Variants in EP400 observed in about 807,000 individuals in gnomAD.
EP400 encodes E1A binding protein p400, also known as E1A-binding protein p400.
EP400 carries 105 observed loss-of-function variants against 354.1 expected under a neutral mutation model. The observed-to-expected ratio is 0.30, with a 90% CI of 0.25 to 0.35. EP400 has a LOEUF of 0.35. Ranked by LOEUF, EP400 falls within the 10% of genes least tolerant of loss-of-function variation. The pLI is 1.00. For synonymous variants in EP400, 1,646 were observed against 1,716.9 expected, an observed-to-expected ratio of 0.96 and a Z score of 1.02; for missense variants, 3,280 against 4,121.0, an observed-to-expected ratio of 0.80 and a Z score of 5.59.
chr12:131,968,066 T>C (rs1892162364), intron 2 of EP400, among the ~76,000 whole-genome samples: 1 of 152,202 alleles, frequency 6.6e-6, no homozygotes. Flanking sequence ...TTTTCTTCTC[T>C]TAAGACTATC....
At chr12:132,042,403 T>TC (rs1313142511) in intron 32 of EP400, among the ~76,000 whole-genome samples, 2 of 152,214 alleles carry the variant, frequency 1.3e-5, no homozygotes, top group Non-Finnish European at 2.9e-5. Context: ...TCTAACACCA[T>TC]CCAGGGCCCA....
chr12:132,004,541 A>G (rs972101698), intron 12 of EP400, among the ~76,000 whole-genome samples: 13 of 151,982 alleles, frequency 8.6e-5, no homozygotes, highest in African/African-American at 1.2e-4. Flanking sequence ...TTTCCTATCA[A>G]TGGTGTTCAC....
In EP400 at chr12:132,045,658, T is replaced by C; in HGVS notation, c.7027-69T>C. On this transcript the variant is annotated intron_variant, in intron 38 of 52. Transcript: ENST00000389561. The stretch of plus-strand genomic sequence containing the variant: ...CACTGTGATCACTTTGCAGGGAGTC[T>C]TTGGCAAGAGGGAAGACCTTCTGAC... 1.9e-6 allele frequency: 3 copies of C among 1,603,512 alleles called. No individual in the cohort carries two copies. The South Asian group carries it at 3.4e-5, about 18-fold the overall frequency.
Position 131,992,574 on chromosome 12 carries a change from C to G in EP400, c.2737+344C>G, listed in dbSNP as rs556195158. On this transcript the variant is annotated intron_variant, in intron 11 of 52. Coordinates refer to ENST00000389561, the MANE Select transcript of EP400 (RefSeq NM_015409.5). ...CCTCTGGTAGACCCATGGTTGCCAGCCATTGGGATTTCAGGAGAAACTCAT... is the reference window on the plus strand; with the variant it reads ...CCTCTGGTAGACCCATGGTTGCCAGGCATTGGGATTTCAGGAGAAACTCAT... Among the ~76,000 whole-genome samples the G allele has an allele frequency of 6.6e-5, 10 of 152,150 alleles. 1 individual carries two copies. In the South Asian group the frequency reaches 2.1e-3, roughly 32 times the overall value.
chr12:132,009,112 T>TG (rs1397480578), intron 15 of EP400, among the ~76,000 whole-genome samples: 1 of 150,174 alleles, frequency 6.7e-6, no homozygotes, highest in Non-Finnish European at 1.5e-5. Flanking sequence ...TTTATATTTT[T>TG]GGCAGAGATA....
intron 11 of EP400, 35 bp downstream of exon 11, chr12:131,992,265 C>T (rs1422042224): frequency 6.3e-7 from 1 of 1,585,728 alleles, no homozygotes; most frequent in Non-Finnish European, 8.6e-7. Flanking sequence ...TTGTCATCTC[C>T]AGGGCTGCTG....
intron 39 of EP400, among the ~76,000 whole-genome samples, chr12:132,048,364 T>C (rs1157808396): frequency 6.6e-6 from 1 of 152,206 alleles, no homozygotes; most frequent in Non-Finnish European, 1.5e-5. Context: ...TAAATGTCCA[T>C]GAAATATTCA....
Position 132,067,446 on chromosome 12 carries a change from A to C in EP400, c.8834A>C (p.Gln2945Pro). The C allele has an allele frequency of 6.2e-7, 1 of 1,613,456 alleles. No homozygotes were observed. Among genetic ancestry groups the C allele is most frequent in the Non-Finnish European group, 8.5e-7 (1 of 1,180,038 alleles). The change falls in exon 50 of 53, where the codon CAG becomes CCG. Residue 2945 changes from glutamine to proline, a missense_variant. Physicochemically the swap from Gln to Pro is moderately conservative, Grantham distance 76. This residue lies in a region of EP400 where 279 missense variants were observed against 386.7 expected (regional missense o/e 0.72). Transcript: ENST00000389561. The surrounding 1 kb of genome is among the most constrained non-coding windows in gnomAD (Gnocchi z 5.3). Reference protein sequence around the residue: ...QQAVQQQKAIQPQAAQGPAAV... With the variant: ...QQAVQQQKAIPPQAAQGPAAV... ...GCCGTCCAGCAGCAGAAGGCCATCC[A>C]GCCCCAGGCTGCACAGGGCCCGGCA...
intron 39 of EP400, among the ~76,000 whole-genome samples, chr12:132,048,497 A>C (rs894152110): frequency 6.6e-6 from 1 of 151,162 alleles, no homozygotes; most frequent in Non-Finnish European, 1.5e-5. Context: ...AAAGGCAAAA[A>C]TATTTGTAAA....
At chr12:131,950,890 TTTTTA>T (rs1180254695) in intron 1 of EP400, among the ~76,000 whole-genome samples, 18 of 151,920 alleles carry the variant, frequency 1.2e-4, no homozygotes, top group Non-Finnish European at 2.9e-5. Flanking sequence ...CCCGGCTCAC[TTTTTA>T]TTTTGTTTTG....
chr12:132,023,906 G>C lies in EP400; in HGVS notation c.4820G>C (p.Arg1607Pro), dbSNP rs768821238. Residue 1607 changes from arginine to proline, a missense_variant, in exon 24 of 53, where the codon CGG (arginine) becomes CCG (proline). This residue lies in a region of EP400 where 25 missense variants were observed against 51.2 expected (regional missense o/e 0.49). Coordinates refer to ENST00000389561, the MANE Select transcript of EP400 (RefSeq NM_015409.5). ...SKFTLSHSQLRQLTAGQPLQL... is the reference protein window; with the variant it reads ...SKFTLSHSQLPQLTAGQPLQL... ...TTCACCCTGTCACACAGCCAGCTCC[G>C]GCAGCTCACAGCGGGCCAGCCGCTG... 6.2e-7 allele frequency: 1 copy of C among 1,610,974 alleles called. No homozygotes were observed. Among genetic ancestry groups the C allele is most frequent in the Non-Finnish European group, 8.5e-7 (1 of 1,178,988 alleles).
In EP400 at chr12:132,052,715, G is replaced by A. The variant is rs1593375934; in HGVS notation, c.7395-431G>A. The stretch of plus-strand genomic sequence containing the variant: ...TAATATTTATGGACCGCGGGCCTGC[G>A]CGGCGTGGAGCCTGGGCATTCTCGG... On this transcript the variant is annotated intron_variant, in intron 41 of 52. Coordinates refer to ENST00000389561, the MANE Select transcript of EP400 (RefSeq NM_015409.5). The surrounding 1 kb of genome is among the most constrained non-coding windows in gnomAD (Gnocchi z 4.4). Among the ~76,000 whole-genome samples the A allele has an allele frequency of 6.6e-6, 1 of 152,108 alleles. No individual in the cohort carries two copies. Among genetic ancestry groups the A allele is most frequent in the East Asian group, 1.9e-4 (1 of 5,188 alleles).
chr12:132,052,707 G>A lies in EP400; in HGVS notation c.7395-439G>A, dbSNP rs10902488. ...CACCCTACTAATATTTATGGACCGCGGGCCTGCGCGGCGTGGAGCCTGGGC... is the reference window on the plus strand; with the variant it reads ...CACCCTACTAATATTTATGGACCGCAGGCCTGCGCGGCGTGGAGCCTGGGC... On this transcript the variant is annotated intron_variant, in intron 41 of 52. Coordinates refer to ENST00000389561, the MANE Select transcript of EP400 (RefSeq NM_015409.5). The surrounding 1 kb of genome is among the most constrained non-coding windows in gnomAD (Gnocchi z 4.4). Among the ~76,000 whole-genome samples, 51,292 of 151,866 alleles carry A rather than the reference G, an allele frequency of 0.34. 10,785 individuals carry two copies. Among genetic ancestry groups the A allele is most frequent in the Non-Finnish European group, 0.47 (31,741 of 67,916 alleles).
rs887671350 is a variant in EP400, at chr12:132,075,420, T to C, written c.9022-1096T>C. Among the ~76,000 whole-genome samples the C allele has an allele frequency of 1.3e-5, 2 of 152,176 alleles. No homozygotes were observed. Among genetic ancestry groups the C allele is most frequent in the Admixed American group, 6.5e-5 (1 of 15,278 alleles). On this transcript the variant is annotated intron_variant, in intron 51 of 52. Transcript: ENST00000389561. The surrounding 1 kb of genome is among the most constrained non-coding windows in gnomAD (Gnocchi z 4.5). Reference sequence around the variant, plus strand: ...AGTTCCTGACTCTTTGCAGGTTTCTTGGTACATTTAAGATTTCTTGCTAGT... The same window carrying C: ...AGTTCCTGACTCTTTGCAGGTTTCTCGGTACATTTAAGATTTCTTGCTAGT...
In EP400 at chr12:132,063,586, G is replaced by A. The variant is rs1343899337; in HGVS notation, c.8334+885G>A. ...ATAGAAAGTAACCAGAGACACATAC[G>A]GAATAAAGACAAGACAATATTTTGA... On this transcript the variant is annotated intron_variant, in intron 47 of 52. Transcript: ENST00000389561. Among the ~76,000 whole-genome samples the A allele has an allele frequency of 3.9e-5, 6 of 152,118 alleles. No individual in the cohort carries two copies. The East Asian group carries it at 1.2e-3, about 29-fold the overall frequency.
intron 12 of EP400, among the ~76,000 whole-genome samples, chr12:131,997,310 A>C (rs372577053): frequency 1.3e-5 from 2 of 150,956 alleles, no homozygotes; most frequent in South Asian, 2.1e-4. Context: ...TCACTCTGAC[A>C]CCTAGGCTGG....
rs1308093904 is a variant in EP400, at chr12:131,990,310, A to C, written c.2550+206A>C. Among the ~76,000 whole-genome samples the C allele has an allele frequency of 3.3e-5, 5 of 152,186 alleles. No individual in the cohort carries two copies. Among genetic ancestry groups the C allele is most frequent in the Non-Finnish European group, 7.3e-5 (5 of 68,030 alleles). ...CTGTCTTGCACAGGGGATGCACCTC[A>C]GCTGTGGCTGCCCTCTGAGGTGCTT... is the stretch of plus-strand genomic sequence containing the variant. On this transcript the variant is annotated intron_variant, in intron 8 of 52. Coordinates refer to ENST00000389561, the MANE Select transcript of EP400 (RefSeq NM_015409.5). The surrounding 1 kb of genome is among the most constrained non-coding windows in gnomAD (Gnocchi z 4.2).
intron 39 of EP400, among the ~76,000 whole-genome samples, chr12:132,048,831 T>G (rs549580850): frequency 6.6e-6 from 1 of 152,334 alleles, no homozygotes; most frequent in African/African-American, 2.4e-5. Flanking sequence ...ATTACAGGCA[T>G]GAACCACCAG....
Position 131,986,677 on chromosome 12 carries a change from C to T in EP400, c.2093C>T (p.Ala698Val), listed in dbSNP as rs753142663. The change falls in exon 6 of 53, where the codon GCA becomes GTA. Residue 698 changes from alanine (A) to valine (V), a missense_variant. Physicochemically the swap from Ala to Val is moderately conservative, Grantham distance 64. Around this residue, in one of 20 missense-constraint regions of EP400, gnomAD observed 800 missense variants for 840.0 expected, o/e 0.95. Coordinates refer to ENST00000389561, the MANE Select transcript of EP400 (RefSeq NM_015409.5). ...AGACCTTCCTCAGCCACCAATAAGG[C>T]ACTATCTCCAGTCACTTCCCGGACC... ...VNRPSSATNK[A>V]LSPVTSRTPG... 1 of 1,614,176 alleles carries T rather than the reference C, an allele frequency of 6.2e-7. No individual in the cohort carries two copies. The highest frequency in any genetic ancestry group is 8.5e-7 in the Non-Finnish European group (1 of 1,180,028).
Sources: gnomAD v4.1 joint callset for allele counts (sites outside exome capture counted in the v4.1 genomes callset) on GRCh38, gnomAD v4.1.1 for gene constraint, gnomAD v4.1.1 regional missense constraint, Gnocchi (gnomAD v3.1) non-coding constraint, MANE v1.5 for transcripts, NCBI Gene and HGNC (gene_info 2026-07-23, HGNC 2026-07-21) for gene names.